Variants in VAT1L observed in about 807,000 individuals in gnomAD.
VAT1L encodes the protein putative NADPH-dependent quinone oxidoreductase VAT1L.
VAT1L carries 34 observed loss-of-function variants against 44.1 expected under a neutral mutation model. The observed-to-expected ratio is 0.77, with a 90% CI of 0.59 to 1.03. VAT1L has a LOEUF of 1.03. Among genes scored for constraint, VAT1L ranks in the 50% least tolerant of loss-of-function variants. The probability of loss-of-function intolerance (pLI) is 0.00; values close to 1 mark genes in which losing one functional copy is unlikely to be tolerated. For synonymous variants in VAT1L, 253 were observed against 202.2 expected (o/e 1.25, Z -2.13); for missense variants, 615 against 538.8 (o/e 1.14, Z -1.40).
chr16:77,892,596 G>C, intron 7 of VAT1L: 1 of 655,120 alleles, frequency 1.5e-6, no homozygotes, highest in Admixed American at 1.8e-5. Context: ...ATTATTCCAG[G>C]GTTTATGTGT....
chr16:77,893,189 G>A (rs1311841034), intron 7 of VAT1L, among the ~76,000 whole-genome samples: 1 of 152,176 alleles, frequency 6.6e-6, no homozygotes, highest in East Asian at 1.9e-4. Flanking sequence ...TGGTTTGGAG[G>A]GTGAACTGGT....
chr16:77,970,473 C>A (rs748408609), intron 7 of VAT1L, among the ~76,000 whole-genome samples: 5 of 152,156 alleles, frequency 3.3e-5, no homozygotes, highest in Non-Finnish European at 5.9e-5. Flanking sequence ...TGTCAGTTCT[C>A]ATTTAGCAAT....
intron 1 of VAT1L, among the ~76,000 whole-genome samples, chr16:77,796,698 A>G (rs1008860305): frequency 6.6e-6 from 1 of 152,258 alleles, no homozygotes; most frequent in African/African-American, 2.4e-5. Context: ...TTGGGCTTTT[A>G]CATACAGAAC....
At chr16:77,794,133 A>G (rs1272191899) in intron 1 of VAT1L, among the ~76,000 whole-genome samples, 2 of 152,228 alleles carry the variant, frequency 1.3e-5, no homozygotes, top group Non-Finnish European at 2.9e-5. Context: ...TAAAAGAGAA[A>G]GAGACAGAGA....
intron 2 of VAT1L, among the ~76,000 whole-genome samples, chr16:77,819,147 C>G (rs2016405946): frequency 1.3e-5 from 2 of 151,992 alleles, no homozygotes; most frequent in South Asian, 4.2e-4. Flanking sequence ...GGAGCAAAGT[C>G]AAAGGAGAGA....
chr16:77,954,107 A>T (rs1003918337), intron 7 of VAT1L, among the ~76,000 whole-genome samples: 3 of 152,220 alleles, frequency 2.0e-5, no homozygotes, highest in Non-Finnish European at 2.9e-5. Context: ...GGCCACATGG[A>T]GACAATGAAT....
At chr16:77,934,086 C>A (rs1175933426) in intron 7 of VAT1L, among the ~76,000 whole-genome samples, 1 of 152,124 alleles carries the variant, frequency 6.6e-6, no homozygotes, top group Non-Finnish European at 1.5e-5. Flanking sequence ...TAGGGAGCTA[C>A]TGAAGTCATT....
chr16:77,907,295 A>C (rs1484629546), intron 7 of VAT1L, among the ~76,000 whole-genome samples: 1 of 152,182 alleles, frequency 6.6e-6, no homozygotes, highest in Admixed American at 6.5e-5. Context: ...CGATGGCCTG[A>C]AGGGCAGATT....
intron 3 of VAT1L, among the ~76,000 whole-genome samples, chr16:77,842,243 A>G (rs554474499): frequency 6.6e-6 from 1 of 151,076 alleles, no homozygotes; most frequent in Non-Finnish European, 1.5e-5. Context: ...AAGTCTAAAA[A>G]CTCTTTCTGG....
At chr16:77,864,846 G>A (rs2016955247) in intron 4 of VAT1L, among the ~76,000 whole-genome samples, 1 of 152,122 alleles carries the variant, frequency 6.6e-6, no homozygotes, top group Non-Finnish European at 1.5e-5. Flanking sequence ...GATGTGAAAG[G>A]AAAGCTTAAA....
At chr16:77,839,955 G>C (rs1344496614) in intron 3 of VAT1L, among the ~76,000 whole-genome samples, 1 of 152,124 alleles carries the variant, frequency 6.6e-6, no homozygotes, top group East Asian at 1.9e-4. Context: ...AGAGTCTTTG[G>C]GGTGAGACTG....
intron 3 of VAT1L, among the ~76,000 whole-genome samples, chr16:77,843,566 G>A (rs1375102733): frequency 6.6e-6 from 1 of 152,192 alleles, no homozygotes; most frequent in Non-Finnish European, 1.5e-5. Context: ...TAGGAGACAC[G>A]TCCAGTCAGG....
chr16:77,945,270 T>C (rs2017946102), intron 7 of VAT1L, among the ~76,000 whole-genome samples: 2 of 127,930 alleles, frequency 1.6e-5, no homozygotes, highest in Non-Finnish European at 3.2e-5. Context: ...CAATTCCAGA[T>C]TGCAGAACTT....
At chr16:77,825,155 C>T (rs1055317027) in intron 2 of VAT1L, 91 bp from the exon 3 acceptor site, 102 of 1,424,242 alleles carry the variant, frequency 7.2e-5, no homozygotes, top group Non-Finnish European at 9.7e-5. Flanking sequence ...GCATGAGCCA[C>T]AGCGCCTGGC....
intron 7 of VAT1L, among the ~76,000 whole-genome samples, chr16:77,887,579 T>C (rs553871858): frequency 6.6e-6 from 1 of 152,210 alleles, no homozygotes; most frequent in Admixed American, 6.5e-5. Context: ...CCCTCAGTGC[T>C]GGGGGAAATG....
At chr16:77,955,726 C>CA (rs1467931996) in intron 7 of VAT1L, among the ~76,000 whole-genome samples, 2 of 121,246 alleles carry the variant, frequency 1.6e-5, no homozygotes, top group African/African-American at 6.4e-5. Flanking sequence ...ATATCCCCCC[C>CA]CCCAAAAAAA....
intron 7 of VAT1L, among the ~76,000 whole-genome samples, chr16:77,949,697 T>G (rs34835532): frequency 3.9e-4 from 60 of 152,292 alleles, no homozygotes; most frequent in African/African-American, 1.4e-3. Context: ...CCTTCCGCCA[T>G]GAGCAGAAAC....
intron 3 of VAT1L, among the ~76,000 whole-genome samples, chr16:77,826,150 T>G (rs1459598686): frequency 1.0e-4 from 15 of 146,782 alleles, no homozygotes; most frequent in African/African-American, 3.5e-4. Flanking sequence ...GAGCTTGCAG[T>G]GAGCCGAGAT....
chr16:77,955,209 T>G (rs2018089294), intron 7 of VAT1L, among the ~76,000 whole-genome samples: 1 of 152,192 alleles, frequency 6.6e-6, no homozygotes, highest in African/African-American at 2.4e-5. Context: ...GAAAAAGTTT[T>G]TATAACACTG....
Sources: gnomAD v4.1 joint callset for allele counts (sites outside exome capture counted in the v4.1 genomes callset) on GRCh38, gnomAD v4.1.1 for gene constraint, MANE v1.5 for transcripts, NCBI Gene and HGNC (gene_info 2026-07-23, HGNC 2026-07-21) for gene names.